CNTN5: variants seen among roughly 807,000 people sequenced by gnomAD.
CNTN5 encodes the protein contactin-5.
A neutral mutation model predicts 129.1 loss-of-function variants in CNTN5; 77 were observed. The ratio of observed to expected loss-of-function variants is 0.60; its 90% CI spans 0.50 to 0.72. The LOEUF (loss-of-function observed/expected upper bound fraction) is 0.72. CNTN5 is among the 30% of genes least tolerant of loss of function. The pLI is 0.00. For synonymous variants in CNTN5, 509 were observed against 465.6 expected, an observed-to-expected ratio of 1.09 and a Z score of -1.20; for missense variants, 1,478 against 1,328.8, an observed-to-expected ratio of 1.11 and a Z score of -1.75.
At chr11:100,024,722 T>C (rs1477178462) in intron 9 of CNTN5, among the ~76,000 whole-genome samples, 1 of 152,200 alleles carries the variant, frequency 6.6e-6, no homozygotes, top group Admixed American at 6.5e-5. Context: ...ATTTTGTCCC[T>C]GCCCTAGAGA....
At chr11:99,626,462 T>A (rs536160369) in intron 3 of CNTN5, among the ~76,000 whole-genome samples, 1 of 152,244 alleles carries the variant, frequency 6.6e-6, no homozygotes, top group Non-Finnish European at 1.5e-5. Context: ...AAATGCCTCT[T>A]CTTTACATCT....
intron 2 of CNTN5, among the ~76,000 whole-genome samples, chr11:99,463,108 A>AAATAAATAAAT (rs1944782952): frequency 5.8e-5 from 7 of 121,118 alleles, no homozygotes; most frequent in Non-Finnish European, 8.5e-5. Flanking sequence ...ACTCCATCTC[A>AAATAAATAAAT]AAATAAATAA....
intron 1 of CNTN5, among the ~76,000 whole-genome samples, chr11:99,247,963 T>C (rs1403216294): frequency 6.6e-6 from 1 of 152,184 alleles, no homozygotes; most frequent in South Asian, 2.1e-4. Flanking sequence ...TTATAATCCT[T>C]TGGGTATATA....
chr11:99,804,956 G>A (rs1205379652), intron 3 of CNTN5, among the ~76,000 whole-genome samples: 1 of 151,756 alleles, frequency 6.6e-6, no homozygotes, highest in Non-Finnish European at 1.5e-5. Context: ...TAGAAAAATA[G>A]CAAGTTCAAA....
chr11:99,328,870 C>CAAAAAAAAAAAA (rs10542347), intron 2 of CNTN5, among the ~76,000 whole-genome samples: 11 of 87,606 alleles, frequency 1.3e-4, no homozygotes, highest in East Asian at 3.1e-4. Flanking sequence ...AACTCCATCT[C>CAAAAAAAAAAAA]AAAAAAAAAA....
chr11:99,123,594 A>C lies in CNTN5; in HGVS notation c.-210+102324A>C, dbSNP rs187187904. 2.0e-5 allele frequency among the ~76,000 whole-genome samples: 3 copies of C among 148,532 alleles called. No homozygotes were observed. The East Asian group carries it at 5.9e-4, about 29-fold the overall frequency. On this transcript the variant is annotated intron_variant, in intron 1 of 24. Coordinates refer to ENST00000524871, the MANE Select transcript of CNTN5 (RefSeq NM_014361.4). The stretch of plus-strand genomic sequence containing the variant: ...TGTTGCAGTTGCTTTTGACATCTTC[A>C]TCATGAAATTTTTGCCAAGTTCTAT...
In CNTN5 at chr11:100,271,091, G is replaced by A; in HGVS notation, c.2165-1G>A. 1 of 1,595,162 alleles carries A rather than the reference G, an allele frequency of 6.3e-7. No homozygotes were observed. Among genetic ancestry groups the A allele is most frequent in the Non-Finnish European group, 8.5e-7 (1 of 1,173,854 alleles). On this transcript the variant is annotated splice_acceptor_variant, in intron 17 of 24. Transcript: ENST00000524871. LOFTEE classifies it high-confidence loss of function. ...ACATGAAATTTCCTTCCTTTCTATA[G>A]TCCCAGAAATCATAACAGGGGACAT... is the stretch of plus-strand genomic sequence containing the variant.
At chr11:100,165,324 G>T (rs1281400550) in intron 13 of CNTN5, among the ~76,000 whole-genome samples, 1 of 151,612 alleles carries the variant, frequency 6.6e-6, no homozygotes, top group Non-Finnish European at 1.5e-5. Flanking sequence ...TGTGTAACTT[G>T]GCCCTCTCCT....
At chr11:100,220,224 C>T (rs1949232593) in intron 15 of CNTN5, among the ~76,000 whole-genome samples, 1 of 151,772 alleles carries the variant, frequency 6.6e-6, no homozygotes, top group Admixed American at 6.6e-5. Flanking sequence ...TTGCAGTGAG[C>T]CAAGATTGCA....
chr11:99,727,312 C>CAAAAAAAAAAAAAAAAAAAAA (rs397936738), intron 3 of CNTN5, among the ~76,000 whole-genome samples: 43 of 24,264 alleles, frequency 1.8e-3, no homozygotes, highest in Middle Eastern at 0.036. Context: ...GACTCCGTCT[C>CAAAAAAAAAAAAAAAAAAAAA]AAAAAAAAAA....
chr11:99,103,135 C>A (rs147172034), intron 1 of CNTN5, among the ~76,000 whole-genome samples: 3 of 152,182 alleles, frequency 2.0e-5, no homozygotes, highest in Admixed American at 6.5e-5. Flanking sequence ...TGGGGAAAAC[C>A]ACCCCAGTGG....
intron 23 of CNTN5, among the ~76,000 whole-genome samples, chr11:100,349,568 A>C (rs1565444898): frequency 6.6e-6 from 1 of 151,908 alleles, no homozygotes; most frequent in Non-Finnish European, 1.5e-5. Flanking sequence ...TAACTTGCCC[A>C]AATTTTCCCA....
At chr11:99,278,122 T>C (rs1264783566) in intron 1 of CNTN5, among the ~76,000 whole-genome samples, 1 of 151,706 alleles carries the variant, frequency 6.6e-6, no homozygotes, top group East Asian at 1.9e-4. Flanking sequence ...GGAGCCTTTT[T>C]TCCTCACACA....
intron 2 of CNTN5, among the ~76,000 whole-genome samples, chr11:99,477,784 TA>T (rs371689469): frequency 0.033 from 4,486 of 136,732 alleles, 79 homozygotes; most frequent in Middle Eastern, 0.074. Flanking sequence ...ACCCCATCTC[TA>T]AAAAAAAAAA....
intron 3 of CNTN5, among the ~76,000 whole-genome samples, chr11:99,601,684 C>T (rs909194600): frequency 6.6e-6 from 1 of 152,128 alleles, no homozygotes; most frequent in Non-Finnish European, 1.5e-5. Flanking sequence ...TTCCTTAATT[C>T]TCATCCTGCT....
At chr11:99,507,561 C>T (rs901736279) in intron 2 of CNTN5, among the ~76,000 whole-genome samples, 3 of 151,834 alleles carry the variant, frequency 2.0e-5, no homozygotes, top group African/African-American at 7.3e-5. Context: ...AAGACATTGA[C>T]CTAAAATACA....
chr11:99,928,020 A>C (rs544821770), intron 7 of CNTN5, among the ~76,000 whole-genome samples: 45 of 152,156 alleles, frequency 3.0e-4, no homozygotes, highest in Non-Finnish European at 5.4e-4. Context: ...AAATGGGAGA[A>C]ATTGGCCAAA....
chr11:100,300,119 A>G (rs1300994427), intron 20 of CNTN5, among the ~76,000 whole-genome samples: 5 of 151,508 alleles, frequency 3.3e-5, no homozygotes, highest in Admixed American at 2.6e-4. Flanking sequence ...TACCGAGTAG[A>G]CAATATACCT....
chr11:100,073,174 G>A (rs2137882587), intron 12 of CNTN5, among the ~76,000 whole-genome samples: 1 of 151,996 alleles, frequency 6.6e-6, no homozygotes, highest in East Asian at 1.9e-4. Context: ...AGCGTCCCAA[G>A]TAGCTGAGAC....
Sources: allele counts gnomAD v4.1 joint callset (sites outside exome capture counted in the v4.1 genomes callset), GRCh38; gene constraint gnomAD v4.1.1; transcripts MANE v1.5; gene names NCBI Gene and HGNC (gene_info 2026-07-23, HGNC 2026-07-21).